The following DNAH6 variants were observed in gnomAD, a reference collection of about 807,000 sequenced individuals.
DNAH6 encodes the protein axonemal beta dynein heavy chain 6.
Under a neutral mutation model 491.4 loss-of-function variants are expected in DNAH6, and 340 were observed. That is an observed-to-expected ratio of 0.69 (90% CI 0.63 to 0.76). DNAH6 has a LOEUF of 0.76. DNAH6 is among the 30% of genes least tolerant of loss of function. The probability of loss-of-function intolerance (pLI) is 0.00; values close to 1 mark genes in which losing one functional copy is unlikely to be tolerated. For synonymous variants in DNAH6, 1,603 were observed against 1,686.1 expected (o/e 0.95, Z 1.21); for missense variants, 4,443 against 4,972.2 (o/e 0.89, Z 3.20).
the DNAH6 span, among the ~76,000 whole-genome samples, chr2:84,499,193 C>G: frequency 1.3e-5 from 2 of 152,182 alleles, no homozygotes; most frequent in African/African-American, 4.8e-5. Flanking sequence ...ACAAACCCCC[C>G]ACTACCCTTC....
chr2:84,700,482 A>C (rs1258839564), intron 48 of DNAH6, among the ~76,000 whole-genome samples: 1 of 152,218 alleles, frequency 6.6e-6, no homozygotes, highest in African/African-American at 2.4e-5. Flanking sequence ...TCAGCAGTTT[A>C]AGGAAGTAGA....
the DNAH6 span, among the ~76,000 whole-genome samples, chr2:84,506,095 A>G: frequency 6.6e-6 from 1 of 152,224 alleles, no homozygotes; most frequent in East Asian, 1.9e-4. Context: ...TGCTGGGACA[A>G]ATAGTATTTC....
intron 12 of DNAH6, among the ~76,000 whole-genome samples, chr2:84,575,440 A>G (rs1290955666): frequency 6.6e-6 from 1 of 152,218 alleles, no homozygotes; most frequent in Non-Finnish European, 1.5e-5. Flanking sequence ...TAGACATTTC[A>G]TCCAATCCTC....
chr2:84,663,266 C>G (rs534755326), intron 37 of DNAH6, among the ~76,000 whole-genome samples: 1 of 152,264 alleles, frequency 6.6e-6, no homozygotes, highest in Non-Finnish European at 1.5e-5. Context: ...GAGAAGAAGG[C>G]CTCAGACGAT....
chr2:84,699,814 C>A lies in DNAH6; in HGVS notation c.7818+80C>A, dbSNP rs1038061658. 7.3e-6 allele frequency: 10 copies of A among 1,364,022 alleles called. No homozygotes were observed. In the African/African-American group the frequency reaches 1.3e-4, roughly 18 times the overall value. 84.5% of individuals were successfully genotyped at this position (1,364,022 alleles called of 1,614,324 possible). On this transcript the variant is annotated intron_variant, in intron 48 of 76. Transcript: ENST00000389394. ...GGGGTAACACATTGTCCAAGAGTAA[C>A]TCATGGGTACTTGTATTAGCTTTAA...
At position 84,599,221 on chromosome 2, in the gene DNAH6, A is replaced by G. The variant is rs532668485; in HGVS notation, c.2868+3432A>G. Among the ~76,000 whole-genome samples, 16 of 118,392 alleles carry G rather than the reference A, an allele frequency of 1.4e-4. No individual in the cohort carries two copies. In the South Asian group the frequency reaches 4.9e-3, roughly 36 times the overall value. The allele number at this position is 118,392 out of a possible 152,430, so 77.7% of individuals were successfully genotyped here. Reference sequence around the variant, plus strand: ...TTTAAGAGTTATTCATATATTCTGCATAAAAGTTTTTTTTCAGATATGTAA... The same window carrying G: ...TTTAAGAGTTATTCATATATTCTGCGTAAAAGTTTTTTTTCAGATATGTAA... On this transcript the variant is annotated intron_variant, in intron 18 of 76. Transcript: ENST00000389394.
At chr2:84,739,388 G>A (rs932519698) in intron 62 of DNAH6, among the ~76,000 whole-genome samples, 1 of 152,046 alleles carries the variant, frequency 6.6e-6, no homozygotes, top group East Asian at 1.9e-4. Context: ...TTTGCATGTC[G>A]ACCTCTCTAG....
the DNAH6 span, among the ~76,000 whole-genome samples, chr2:84,486,362 A>C: frequency 6.6e-6 from 1 of 152,154 alleles, no homozygotes; most frequent in African/African-American, 2.4e-5. Context: ...TGCCCAAATA[A>C]ATTTGAAGTC....
At chr2:84,813,839 A>G in intron 74 of DNAH6, 132 bp from the exon 75 acceptor site, 4 of 854,824 alleles carry the variant, frequency 4.7e-6, no homozygotes, top group Non-Finnish European at 7.3e-6. Context: ...AGAGGAAGGT[A>G]TTAAGAGTTG....
Position 84,728,034 on chromosome 2 carries a change from G to A in DNAH6, c.10206+132G>A, listed in dbSNP as rs1698803212. The A allele has an allele frequency of 9.4e-6, 6 of 641,576 alleles. No homozygotes were observed. The Admixed American group carries it at 1.1e-4, about 11-fold the overall frequency. The allele number at this position is 641,576 out of a possible 1,614,324, so 39.7% of individuals were successfully genotyped here. The stretch of plus-strand genomic sequence containing the variant: ...CCTGGTGGGAGATTACTGAATCACG[G>A]GGGCAGTTTCCCCCATACTGTTCTC... On this transcript the variant is annotated intron_variant, in intron 61 of 76. Coordinates refer to ENST00000389394, the MANE Select transcript of DNAH6 (RefSeq NM_001370.2).
chr2:84,667,953 G>A (rs932959117), intron 37 of DNAH6, among the ~76,000 whole-genome samples: 16 of 152,194 alleles, frequency 1.1e-4, no homozygotes, highest in Admixed American at 5.9e-4. Context: ...CATGGATGAA[G>A]CTAGAAACCA....
In DNAH6 at chr2:84,548,345, C is replaced by T; in HGVS notation, c.1244C>T (p.Thr415Ile). ...ATTAATACACCACATGAGTTGCCCACTTATGGAGACTCTGAGAAAATGACA... is the reference window on the plus strand; with the variant it reads ...ATTAATACACCACATGAGTTGCCCATTTATGGAGACTCTGAGAAAATGACA... ...SFINTPHELP[T>I]YGDSEKMTYT... is the part of the protein sequence containing the mutation. The change falls in exon 8 of 77, where the codon ACT becomes ATT. Residue 415 changes from threonine to isoleucine, a missense_variant. Physicochemically the swap from Thr to Ile is moderately conservative, Grantham distance 89. This residue lies in a region of DNAH6 where 2,977 missense variants were observed against 3,296.6 expected (regional missense o/e 0.90). Transcript: ENST00000389394. 1 of 1,613,870 alleles carries T rather than the reference C, an allele frequency of 6.2e-7. No homozygotes were observed. The highest frequency in any genetic ancestry group is 8.5e-7 in the Non-Finnish European group (1 of 1,179,870).
rs770630270 is a variant in DNAH6, at chr2:84,557,827, C to T, written c.1695C>T (p.Ser565=). ...ATTCGTATTTTGATGCTTTCACCAG[C>T]CCTTATATTAACAACAAACTTGAAG... ...VPDSYFDAFT[S]PYINNKLEGK... The change falls in exon 11 of 77, where the codon AGC becomes AGT. Residue 565 remains serine, a synonymous_variant. Coordinates refer to ENST00000389394, the MANE Select transcript of DNAH6 (RefSeq NM_001370.2). 7.4e-6 allele frequency: 12 copies of T among 1,612,962 alleles called. No individual in the cohort carries two copies. In the Admixed American group the frequency reaches 1.7e-4, roughly 22 times the overall value.
chr2:84,646,827 A>G (rs1689945633), intron 33 of DNAH6, among the ~76,000 whole-genome samples: 1 of 152,178 alleles, frequency 6.6e-6, no homozygotes, highest in Non-Finnish European at 1.5e-5. Context: ...GTTGCTTCTT[A>G]TAGATTAGCA....
At chr2:84,726,450 C>T (rs1261948291) in intron 60 of DNAH6, among the ~76,000 whole-genome samples, 3 of 152,144 alleles carry the variant, frequency 2.0e-5, no homozygotes, top group African/African-American at 7.2e-5. Flanking sequence ...AGCTTCCTCA[C>T]GCAGCTTGGG....
intron 2 of DNAH6, among the ~76,000 whole-genome samples, chr2:84,522,397 T>C (rs558336418): frequency 6.6e-6 from 1 of 152,284 alleles, no homozygotes; most frequent in South Asian, 2.1e-4. Flanking sequence ...GTTTTCTAGA[T>C]ATAGAATCAT....
chr2:84,635,431 A>C (rs1286057289), intron 30 of DNAH6, among the ~76,000 whole-genome samples: 2 of 152,216 alleles, frequency 1.3e-5, no homozygotes, highest in African/African-American at 4.8e-5. Context: ...TTAGACTCTA[A>C]AGTCTAAGCT....
intron 2 of DNAH6, among the ~76,000 whole-genome samples, chr2:84,524,731 T>C (rs1464577482): frequency 2.6e-5 from 4 of 152,094 alleles, no homozygotes; most frequent in African/African-American, 9.7e-5. Flanking sequence ...CTTAACATCA[T>C]TTTTATAGAT....
the DNAH6 span, among the ~76,000 whole-genome samples, chr2:84,483,693 T>C: frequency 6.6e-6 from 1 of 152,136 alleles, no homozygotes; most frequent in Non-Finnish European, 1.5e-5. Context: ...TTTAAAATAA[T>C]TATAGATTTA....
Sources: allele counts gnomAD v4.1 joint callset (sites outside exome capture counted in the v4.1 genomes callset), GRCh38; gene constraint gnomAD v4.1.1; regional missense constraint gnomAD v4.1.1; transcripts MANE v1.5; gene names NCBI Gene and HGNC (gene_info 2026-07-23, HGNC 2026-07-21).